OGDH: variants seen among roughly 807,000 people sequenced by gnomAD.
OGDH encodes the protein oxoglutarate dehydrogenase, also known as 2-oxoglutarate dehydrogenase complex component E1.
A neutral mutation model predicts 116.6 loss-of-function variants in OGDH; 38 were observed. The observed-to-expected ratio is 0.33, with a 90% CI of 0.25 to 0.43. OGDH has a LOEUF of 0.43. Among genes scored for constraint, OGDH ranks in the 20% least tolerant of loss-of-function variants. The pLI is 1.00. For synonymous variants in OGDH, 488 were observed against 533.3 expected, an observed-to-expected ratio of 0.92 and a Z score of 1.17; for missense variants, 825 against 1,357.2, an observed-to-expected ratio of 0.61 and a Z score of 6.16.
intron 4 of OGDH, among the ~76,000 whole-genome samples, chr7:44,664,200 A>T (rs1475535208): frequency 1.3e-5 from 2 of 152,222 alleles, no homozygotes; most frequent in East Asian, 3.9e-4. Context: ...GGGGAAGGGG[A>T]GGGCACCACC....
chr7:44,682,263 T>G (rs1188972481), intron 10 of OGDH, among the ~76,000 whole-genome samples: 1 of 151,810 alleles, frequency 6.6e-6, no homozygotes, highest in Non-Finnish European at 1.5e-5. Context: ...CACATGCCTG[T>G]GATCCCAGCT....
chr7:44,677,894 A>T (rs576278440), intron 9 of OGDH, among the ~76,000 whole-genome samples: 1 of 151,830 alleles, frequency 6.6e-6, no homozygotes, highest in African/African-American at 2.4e-5. Context: ...AAAAAAAAAA[A>T]GAAGTGGAAC....
Position 44,611,264 on chromosome 7 carries a change from G to GT in OGDH, c.-28+4617dup, listed in dbSNP as rs1389813019. ...TGCCTGGCTAATTTTTGTATTTTTT[G>GT]TTTTTTGGTTTTTTGAGACGGAGTC... On this transcript the variant is annotated intron_variant, in intron 1 of 22. Coordinates refer to ENST00000222673, the MANE Select transcript of OGDH (RefSeq NM_002541.4). Among the ~76,000 whole-genome samples, 3 of 150,354 alleles carry GT rather than the reference G, an allele frequency of 2.0e-5. No individual in the cohort carries two copies. In the East Asian group the frequency reaches 5.9e-4, roughly 29 times the overall value.
intron 7 of OGDH, 41 bp from the exon 8 acceptor site, chr7:44,675,137 G>T: frequency 6.5e-7 from 1 of 1,532,500 alleles, no homozygotes; most frequent in South Asian, 1.1e-5. Context: ...TGGAAACCAT[G>T]ACCTCAGGCT....
intron 18 of OGDH, 27 bp downstream of exon 18, chr7:44,698,290 A>C: frequency 6.2e-7 from 1 of 1,611,832 alleles, no homozygotes; most frequent in Non-Finnish European, 8.5e-7. Context: ...CTGTCAGCCC[A>C]GCCATTCTCG....
At chr7:44,629,503 C>T (rs1316025671) in intron 2 of OGDH, among the ~76,000 whole-genome samples, 3 of 152,140 alleles carry the variant, frequency 2.0e-5, no homozygotes, top group Non-Finnish European at 2.9e-5. Context: ...CTCTGCCCTG[C>T]CCACCTGCCT....
intron 2 of OGDH, among the ~76,000 whole-genome samples, chr7:44,643,094 TAAAAAA>T (rs769649359): frequency 2.4e-5 from 3 of 124,472 alleles, no homozygotes; most frequent in Non-Finnish European, 3.5e-5. Flanking sequence ...CCTGTTTCTT[TAAAAAA>T]AAAAAAAAAA....
chr7:44,630,211 G>GGA (rs1785378586), intron 2 of OGDH, among the ~76,000 whole-genome samples: 1 of 152,210 alleles, frequency 6.6e-6, no homozygotes, highest in East Asian at 1.9e-4. Context: ...TTGAAAAATA[G>GGA]GACTATGGTA....
At position 44,697,546 on chromosome 7, in the gene OGDH, G is replaced by A. The variant is rs369464729; in HGVS notation, c.2179+49G>A. ...CAGGGCCTGTCACCCACCCACCCCC[G>A]CTGGGCCTACTGGCTGGTGTCCTGG... On this transcript the variant is annotated intron_variant, in intron 16 of 22. Coordinates refer to ENST00000222673, the MANE Select transcript of OGDH (RefSeq NM_002541.4). The surrounding 1 kb of genome is among the most constrained non-coding windows in gnomAD (Gnocchi z 6.0). 2.3e-5 allele frequency: 37 copies of A among 1,613,390 alleles called. No individual in the cohort carries two copies. Among genetic ancestry groups the A allele is most frequent in the African/African-American group, 9.3e-5 (7 of 74,894 alleles).
intron 1 of OGDH, among the ~76,000 whole-genome samples, chr7:44,617,079 C>T (rs1394053187): frequency 6.6e-6 from 1 of 150,450 alleles, no homozygotes; most frequent in Admixed American, 6.6e-5. Context: ...TACAGGCACC[C>T]GCCACAATGC....
At chr7:44,649,245 G>GTTTTTTTT in intron 4 of OGDH, among the ~76,000 whole-genome samples, 1 of 97,724 alleles carries the variant, frequency 1.0e-5, no homozygotes, top group Non-Finnish European at 2.0e-5. Flanking sequence ...ATTTTCTGTT[G>GTTTTTTTT]TTTTTTTTTT....
At chr7:44,703,114 C>T (rs1562691625) in intron 20 of OGDH, among the ~76,000 whole-genome samples, 1 of 150,950 alleles carries the variant, frequency 6.6e-6, no homozygotes, top group African/African-American at 2.4e-5. Context: ...GTCAGAATTT[C>T]TTTTTTTTTA....
At position 44,615,468 on chromosome 7, in the gene OGDH, G is replaced by A. The variant is rs1784734609; in HGVS notation, c.-28+8815G>A. 2.0e-5 allele frequency among the ~76,000 whole-genome samples: 3 copies of A among 152,158 alleles called. No individual in the cohort carries two copies. The South Asian group carries it at 6.2e-4, about 32-fold the overall frequency. ...ATCTTATCAGGGAGTGAGTTGGAAG[G>A]GCTCATTATTCACCAGGTGGGGATG... On this transcript the variant is annotated intron_variant, in intron 1 of 22. Coordinates refer to ENST00000222673, the MANE Select transcript of OGDH (RefSeq NM_002541.4).
intron 1 of OGDH, among the ~76,000 whole-genome samples, chr7:44,622,620 AAAT>A (rs1185759313): frequency 6.6e-6 from 1 of 152,208 alleles, no homozygotes; most frequent in Non-Finnish European, 1.5e-5. Flanking sequence ...AGTTTCTGAT[AAAT>A]AATATAGAAG....
At chr7:44,606,797 G>A (rs1204804202) in intron 1 of OGDH, 144 bp downstream of exon 1, 1 of 152,356 alleles carries the variant, frequency 6.6e-6, no homozygotes, top group Non-Finnish European at 1.5e-5. Flanking sequence ...GGAGCTGGAT[G>A]GAGTGGGGCT....
chr7:44,671,034 GAAAA>G (rs1181891760), intron 5 of OGDH, among the ~76,000 whole-genome samples: 2 of 146,544 alleles, frequency 1.4e-5, no homozygotes, highest in Non-Finnish European at 1.5e-5. Context: ...AAAAAGAAAA[GAAAA>G]AAAAGAAAAT....
intron 9 of OGDH, among the ~76,000 whole-genome samples, chr7:44,681,124 G>A (rs1199387760): frequency 6.6e-6 from 1 of 152,154 alleles, no homozygotes; most frequent in Admixed American, 6.5e-5. Flanking sequence ...CTGGGGTGGA[G>A]GTTTGAGGAG....
At chr7:44,612,408 A>G (rs1273000708) in intron 1 of OGDH, among the ~76,000 whole-genome samples, 1 of 150,632 alleles carries the variant, frequency 6.6e-6, no homozygotes, top group Non-Finnish European at 1.5e-5. Context: ...CTTGTGACGG[A>G]GTCTTACTCT....
chr7:44,649,162 C>T (rs1021097034), intron 4 of OGDH, among the ~76,000 whole-genome samples: 1 of 151,824 alleles, frequency 6.6e-6, no homozygotes, highest in South Asian at 2.1e-4. Flanking sequence ...CAGGGACTTG[C>T]ATCTGGAAGC....
Sources: allele counts gnomAD v4.1 joint callset (sites outside exome capture counted in the v4.1 genomes callset), GRCh38; gene constraint gnomAD v4.1.1; non-coding constraint Gnocchi (gnomAD v3.1); transcripts MANE v1.5; gene names NCBI Gene and HGNC (gene_info 2026-07-23, HGNC 2026-07-21).